Variants in PTPRN2 observed in about 807,000 individuals in gnomAD.
PTPRN2 encodes the protein protein tyrosine phosphatase receptor type N2.
In PTPRN2, 74 loss-of-function variants were observed where a neutral mutation model predicts 118.8. The ratio of observed to expected loss-of-function variants is 0.62; its 90% CI spans 0.52 to 0.76. PTPRN2 has a LOEUF of 0.76. Ranked by LOEUF, PTPRN2 falls within the 30% of genes least tolerant of loss-of-function variation. PTPRN2 has a pLI of 0.00. For missense variants in PTPRN2, 1,481 were observed against 1,394.4 expected, an observed-to-expected ratio of 1.06 and a Z score of -0.99; for synonymous variants, 641 against 608.0, an observed-to-expected ratio of 1.05 and a Z score of -0.80.
At position 157,801,022 on chromosome 7, in the gene PTPRN2, CATATATATACACATAT is replaced by C. The variant is rs1427583226; in HGVS notation, c.1788+97635_1788+97650del. ...ATACACACATATACATATACACACA[CATATATATACACATAT>C]ATATACACATATATACACATATATA... On this transcript the variant is annotated intron_variant, in intron 12 of 22. Transcript: ENST00000389418. The surrounding 1 kb of genome is among the most constrained non-coding windows in gnomAD (Gnocchi z 4.2). Among the ~76,000 whole-genome samples the C allele has an allele frequency of 2.1e-3, 308 of 148,870 alleles. 1 individual carries two copies. Among genetic ancestry groups the C allele is most frequent in the African/African-American group, 7.1e-3 (285 of 40,078 alleles).
chr7:158,200,294 G>C (rs1826532542), intron 4 of PTPRN2, among the ~76,000 whole-genome samples: 1 of 152,138 alleles, frequency 6.6e-6, no homozygotes, highest in Non-Finnish European at 1.5e-5. Flanking sequence ...TAGGAAAATG[G>C]AATCCAAGAC....
intron 2 of PTPRN2, among the ~76,000 whole-genome samples, chr7:158,485,075 C>A (rs918580056): frequency 1.3e-5 from 2 of 152,114 alleles, no homozygotes; most frequent in African/African-American, 4.8e-5. Context: ...CACCCTGCAA[C>A]GGCCCGCAGG....
intron 11 of PTPRN2, among the ~76,000 whole-genome samples, chr7:158,062,180 G>C (rs1810398771): frequency 6.6e-6 from 1 of 152,280 alleles, no homozygotes; most frequent in Admixed American, 6.5e-5. Context: ...TCAGCTCACA[G>C]CAGAGGAGCG....
At chr7:158,325,107 G>C (rs1586265396) in intron 2 of PTPRN2, among the ~76,000 whole-genome samples, 1 of 149,526 alleles carries the variant, frequency 6.7e-6, no homozygotes. Flanking sequence ...ATTCTCCCCA[G>C]AGATCCACAG....
intron 11 of PTPRN2, among the ~76,000 whole-genome samples, chr7:158,044,598 C>T (rs549061860): frequency 6.6e-6 from 1 of 152,198 alleles, no homozygotes; most frequent in East Asian, 1.9e-4. Flanking sequence ...TTTGTAAAGA[C>T]TCTGCTGCAA....
Position 157,617,317 on chromosome 7 carries a change from G to A in PTPRN2, c.2344+4045C>T, listed in dbSNP as rs1322162753. ...AGCTGCAGCGCAGAGCACGGGGGAC[G>A]CTGGCTCACGATGCCCCAGTGATGC... On this transcript the variant is annotated intron_variant, in intron 15 of 22. Coordinates refer to ENST00000389418, the MANE Select transcript of PTPRN2 (RefSeq NM_002847.5). The surrounding 1 kb of genome is among the most constrained non-coding windows in gnomAD (Gnocchi z 7.5). The A allele has an allele frequency of 6.7e-6, 1 of 150,098 alleles. No individual in the cohort carries two copies. The highest frequency in any genetic ancestry group is 1.5e-5 in the Non-Finnish European group (1 of 67,670). The allele number at this position is 150,098 out of a possible 1,614,324, so 9.3% of individuals were successfully genotyped here. A position where few individuals can be genotyped will look rare whatever the true frequency, so the allele number is the denominator to read the frequency against.
At chr7:157,937,274 C>T (rs1192055026) in intron 11 of PTPRN2, among the ~76,000 whole-genome samples, 2 of 152,250 alleles carry the variant, frequency 1.3e-5, no homozygotes, top group South Asian at 4.1e-4. Flanking sequence ...GGCTGGACCA[C>T]CTAGAAAAAC....
chr7:157,669,573 G>C, intron 13 of PTPRN2: 2 of 485,992 alleles, frequency 4.1e-6, no homozygotes, highest in South Asian at 3.0e-5. Context: ...GGGGTTCCAC[G>C]CACGGGCAAA....
At chr7:157,934,370 G>A (rs1799577648) in intron 11 of PTPRN2, among the ~76,000 whole-genome samples, 1 of 152,174 alleles carries the variant, frequency 6.6e-6, no homozygotes, top group Non-Finnish European at 1.5e-5. Flanking sequence ...AGTATTCATG[G>A]CTACAGATGC....
At chr7:158,535,191 C>A (rs1033639456) in intron 1 of PTPRN2, among the ~76,000 whole-genome samples, 9 of 152,190 alleles carry the variant, frequency 5.9e-5, no homozygotes, top group African/African-American at 2.2e-4. Flanking sequence ...AAAGGCATAT[C>A]TTGTTCCTTC....
chr7:158,106,856 G>C (rs1438285188), intron 10 of PTPRN2, among the ~76,000 whole-genome samples: 3 of 152,128 alleles, frequency 2.0e-5, no homozygotes, highest in Non-Finnish European at 4.4e-5. Context: ...ACTTCCCCAG[G>C]ATCCCATAAA....
chr7:158,167,076 TG>T lies in PTPRN2; in HGVS notation c.764del (p.Pro255GlnfsTer57). 1.2e-6 allele frequency: 2 copies of T among 1,600,734 alleles called. No homozygotes were observed. Among genetic ancestry groups the T allele is most frequent in the Non-Finnish European group, 1.7e-6 (2 of 1,172,556 alleles). On this transcript the variant is annotated frameshift_variant, in exon 6 of 23. Coordinates refer to ENST00000389418, the MANE Select transcript of PTPRN2 (RefSeq NM_002847.5). LOFTEE classifies it high-confidence loss of function. ...ALSAYAAQRP[P>X]APPGEGSLEP... Reference sequence around the variant, plus strand: ...CCAGGCTGCCCTCCCCGGGGGGAGCTGGGGGCCTCTGGGCAGCATAGGCACT... The same window carrying T: ...CCAGGCTGCCCTCCCCGGGGGGAGCTGGGGCCTCTGGGCAGCATAGGCACT...
chr7:158,170,650 A>T (rs1823456844), intron 5 of PTPRN2, among the ~76,000 whole-genome samples: 1 of 152,326 alleles, frequency 6.6e-6, no homozygotes, highest in East Asian at 1.9e-4. Context: ...GATTGCAGAC[A>T]CTGGGGTGTT....
rs557079050 is a variant in PTPRN2 at position 158,003,008 on chromosome 7, G to C, written c.1723+78290C>G. On this transcript the variant is annotated intron_variant, in intron 11 of 22. Coordinates refer to ENST00000389418, the MANE Select transcript of PTPRN2 (RefSeq NM_002847.5). The surrounding 1 kb of genome is among the most constrained non-coding windows in gnomAD (Gnocchi z 5.0). ...ATCCAGGGGAGGAGGAAAGAGCACA[G>C]GAGAGGGCAGGAGATGTTTGGCTTC... Among the ~76,000 whole-genome samples, 4 of 152,180 alleles carry C rather than the reference G, an allele frequency of 2.6e-5. No homozygotes were observed. The highest frequency in any genetic ancestry group is 4.4e-5 in the Non-Finnish European group (3 of 68,026).
chr7:158,489,534 C>T (rs989123399), intron 2 of PTPRN2, among the ~76,000 whole-genome samples: 3 of 152,230 alleles, frequency 2.0e-5, no homozygotes, highest in Non-Finnish European at 4.4e-5. Context: ...GAGCGATGGG[C>T]GCCCAGAACC....
intron 9 of PTPRN2, among the ~76,000 whole-genome samples, chr7:158,121,779 G>A (rs1313144147): frequency 6.6e-6 from 1 of 152,218 alleles, no homozygotes; most frequent in Admixed American, 6.5e-5. Context: ...TATACAAAGT[G>A]TACGGGACGT....
At chr7:157,730,591 A>G (rs1464383680) in intron 12 of PTPRN2, among the ~76,000 whole-genome samples, 1 of 152,232 alleles carries the variant, frequency 6.6e-6, no homozygotes, top group Non-Finnish European at 1.5e-5. Context: ...GAGGTTGTCA[A>G]AATGCTTCAA....
chr7:158,357,807 G>A (rs973534938), intron 2 of PTPRN2, among the ~76,000 whole-genome samples: 1 of 152,206 alleles, frequency 6.6e-6, no homozygotes, highest in African/African-American at 2.4e-5. Context: ...GCGTCCAGCA[G>A]GGGTGTCCCA....
rs145121915 is a variant in PTPRN2, at chr7:158,492,116, C to A, written c.113-2331G>T. ...CCTCAGCTGTGAGGGCCCCTCCCGC[C>A]CCAGGCACACAGAGGCGCACAGAGA... On this transcript the variant is annotated intron_variant, in intron 1 of 22. Coordinates refer to ENST00000389418, the MANE Select transcript of PTPRN2 (RefSeq NM_002847.5). 1.1e-3 allele frequency among the ~76,000 whole-genome samples: 165 copies of A among 152,326 alleles called. 1 individual carries two copies. The highest frequency in any genetic ancestry group is 3.6e-3 in the African/African-American group (148 of 41,576).
Sources: gnomAD v4.1 joint callset for allele counts (sites outside exome capture counted in the v4.1 genomes callset) on GRCh38, gnomAD v4.1.1 for gene constraint, Gnocchi (gnomAD v3.1) non-coding constraint, MANE v1.5 for transcripts, NCBI Gene and HGNC (gene_info 2026-07-23, HGNC 2026-07-21) for gene names.